The following ADGRA2 variants were observed in gnomAD, a reference collection of about 807,000 sequenced individuals.
ADGRA2 encodes adhesion G protein-coupled receptor A2.
In ADGRA2, 61 loss-of-function variants were observed where a neutral mutation model predicts 98.7. The observed-to-expected ratio is 0.62, with a 90% CI of 0.50 to 0.76. The LOEUF (loss-of-function observed/expected upper bound fraction) is 0.76. Ranked by LOEUF, ADGRA2 falls within the 30% of genes least tolerant of loss-of-function variation. The pLI is 0.00. For missense variants in ADGRA2, 1,712 were observed against 1,860.0 expected, an observed-to-expected ratio of 0.92 and a Z score of 1.46; for synonymous variants, 858 against 831.5, an observed-to-expected ratio of 1.03 and a Z score of -0.55.
Position 37,833,819 on chromosome 8 carries a change from T to C in ADGRA2, c.1428T>C (p.Tyr476=), listed in dbSNP as rs780582353. ...AGATGATCCAGAAATTTTTGGGTTA[T>C]GTCGACCAGATCAAAGAGGTGAGAC... ...VAQMIQKFLG[Y]VDQIKELVEV... The change falls in exon 10 of 19, where the codon TAT becomes TAC. Residue 476 remains tyrosine, a synonymous_variant. Coordinates refer to ENST00000412232, the MANE Select transcript of ADGRA2 (RefSeq NM_032777.10). The C allele has an allele frequency of 6.2e-7, 1 of 1,614,218 alleles. No individual in the cohort carries two copies. The highest frequency in any genetic ancestry group is 1.1e-5 in the South Asian group (1 of 91,086).
intron 13 of ADGRA2, among the ~76,000 whole-genome samples, chr8:37,837,291 C>T (rs955779631): frequency 3.9e-5 from 6 of 152,104 alleles, no homozygotes; most frequent in Admixed American, 6.6e-5. Context: ...TCTGTGGAGC[C>T]CAGGGCCTGC....
At position 37,814,087 on chromosome 8, in the gene ADGRA2, C is replaced by T. The variant is rs1804915109; in HGVS notation, c.267-809C>T. ...TTAAAGCTTTCTAATAAGCAATTAACTGGGGGATGAGCCCTTTGGCTGGCC... is the reference window on the plus strand; with the variant it reads ...TTAAAGCTTTCTAATAAGCAATTAATTGGGGGATGAGCCCTTTGGCTGGCC... On this transcript the variant is annotated intron_variant, in intron 1 of 18. Coordinates refer to ENST00000412232, the MANE Select transcript of ADGRA2 (RefSeq NM_032777.10). This position sits in a 1 kb window ranked among gnomAD's most constrained non-coding sequence, Gnocchi z 4.3. 6.6e-6 allele frequency among the ~76,000 whole-genome samples: 1 copy of T among 152,190 alleles called. No homozygotes were observed. The highest frequency in any genetic ancestry group is 2.4e-5 in the African/African-American group (1 of 41,450).
In ADGRA2 at chr8:37,829,893, C is replaced by T; in HGVS notation, c.597C>T (p.Arg199=). Reference sequence around the variant, plus strand: ...TCCTGACCTGTGACTGCCACCTGCGCTGGCTGCTGCCCTGGGCCCAGAATC... The same window carrying T: ...TCCTGACCTGTGACTGCCACCTGCGTTGGCTGCTGCCCTGGGCCCAGAATC... ...TEFLTCDCHL[R]WLLPWAQNRS... The change falls in exon 6 of 19, where the codon CGC becomes CGT. Residue 199 remains arginine (R), a synonymous_variant. Transcript: ENST00000412232. 2 of 1,613,084 alleles carry T rather than the reference C, an allele frequency of 1.2e-6. No individual in the cohort carries two copies. Among genetic ancestry groups the T allele is most frequent in the Non-Finnish European group, 1.7e-6 (2 of 1,179,948 alleles).
At chr8:37,837,352 T>TCCCG (rs1455143667) in intron 13 of ADGRA2, among the ~76,000 whole-genome samples, 3 of 150,706 alleles carry the variant, frequency 2.0e-5, no homozygotes, top group Non-Finnish European at 3.0e-5. Context: ...CCTCTCTCCA[T>TCCCG]CCCGCCCGCC....
At position 37,840,069 on chromosome 8, in the gene ADGRA2, A is replaced by T. The variant is rs942457565; in HGVS notation, c.2512-52A>T. On this transcript the variant is annotated intron_variant, in intron 16 of 18. Coordinates refer to ENST00000412232, the MANE Select transcript of ADGRA2 (RefSeq NM_032777.10). ...ACACCAGCAGGACTGAAGCTCTGGGAGGGTCCAGTCGTAGTCCCCAGGTCC... is the reference window on the plus strand; with the variant it reads ...ACACCAGCAGGACTGAAGCTCTGGGTGGGTCCAGTCGTAGTCCCCAGGTCC... The T allele has an allele frequency of 3.4e-6, 5 of 1,484,672 alleles. No homozygotes were observed. In the African/African-American group the frequency reaches 5.6e-5, roughly 17 times the overall value. 92.0% of individuals were successfully genotyped at this position (1,484,672 alleles called of 1,614,324 possible). A position where few individuals can be genotyped will look rare whatever the true frequency, so the allele number is the denominator to read the frequency against.
intron 2 of ADGRA2, among the ~76,000 whole-genome samples, chr8:37,816,218 A>G (rs1162243229): frequency 1.3e-5 from 2 of 152,166 alleles, no homozygotes; most frequent in Admixed American, 1.3e-4. Context: ...TGAGCCCAGG[A>G]GTTCAAGGCT....
chr8:37,838,045 A>G (rs1805671308), intron 14 of ADGRA2, 106 bp downstream of exon 14: 1 of 976,352 alleles, frequency 1.0e-6, no homozygotes, highest in Non-Finnish European at 1.5e-6. Flanking sequence ...AAATACAGAA[A>G]GGACTGCAGC....
Position 37,842,456 on chromosome 8 carries a change from A to T in ADGRA2, c.*101A>T. 2 of 1,373,738 alleles carry T rather than the reference A, an allele frequency of 1.5e-6. No homozygotes were observed. The highest frequency in any genetic ancestry group is 1.9e-6 in the Non-Finnish European group (2 of 1,063,156). 85.1% of individuals were successfully genotyped at this position (1,373,738 alleles called of 1,614,324 possible). A position where few individuals can be genotyped will look rare whatever the true frequency, so the allele number is the denominator to read the frequency against. On this transcript the variant is annotated 3_prime_UTR_variant, in exon 19 of 19. Transcript: ENST00000412232. ...TCCGTAGTCAGCAGGTTGGAGGCAGAGGAGCCGATGGCTGGAGGAAGCCCA... is the reference window on the plus strand; with the variant it reads ...TCCGTAGTCAGCAGGTTGGAGGCAGTGGAGCCGATGGCTGGAGGAAGCCCA...
chr8:37,840,380 A>G, intron 17 of ADGRA2, 114 bp downstream of exon 17: 1 of 1,137,858 alleles, frequency 8.8e-7, no homozygotes, highest in Non-Finnish European at 1.3e-6. Context: ...TCACTCTCCA[A>G]AGACGGGGGA....
intron 1 of ADGRA2, among the ~76,000 whole-genome samples, chr8:37,808,920 G>T (rs1466705145): frequency 6.6e-6 from 1 of 151,954 alleles, no homozygotes; most frequent in Non-Finnish European, 1.5e-5. Flanking sequence ...CACCTCCCAG[G>T]TTCAAGCGAT....
chr8:37,799,724 C>T (rs1339384168), intron 1 of ADGRA2, among the ~76,000 whole-genome samples: 3 of 152,148 alleles, frequency 2.0e-5, no homozygotes, highest in African/African-American at 7.2e-5. Flanking sequence ...AGCCATCAGG[C>T]TTAGGATAGG....
Position 37,797,200 on chromosome 8 carries a change from C to G in ADGRA2, c.-69C>G, listed in dbSNP as rs1804352748. 1 of 1,159,610 alleles carries G rather than the reference C, an allele frequency of 8.6e-7. No homozygotes were observed. Among genetic ancestry groups the G allele is most frequent in the South Asian group, 4.3e-5 (1 of 23,196 alleles). The allele number at this position is 1,159,610 out of a possible 1,614,324, so 71.8% of individuals were successfully genotyped here. A position where few individuals can be genotyped will look rare whatever the true frequency, so the allele number is the denominator to read the frequency against. On this transcript the variant is annotated 5_prime_UTR_variant, in exon 1 of 19. Coordinates refer to ENST00000412232, the MANE Select transcript of ADGRA2 (RefSeq NM_032777.10). This position sits in a 1 kb window ranked among gnomAD's most constrained non-coding sequence, Gnocchi z 5.3. ...GCCCCCGCTGAGCACTCCTCCCGCA[C>G]GCCTGGGTCCCTCCGGCCGGCGCGC...
rs914891204 is a variant in ADGRA2 at position 37,830,891 on chromosome 8, G to C, written c.900G>C (p.Glu300Asp). Residue 300 changes from glutamate to aspartate, a missense_variant, in exon 7 of 19, where the codon GAG becomes GAC. Coordinates refer to ENST00000412232, the MANE Select transcript of ADGRA2 (RefSeq NM_032777.10). The surrounding 1 kb of genome is among the most constrained non-coding windows in gnomAD (Gnocchi z 4.8). ...GDEQAGILLA[E>D]SLIHDCTFIT... ...AGCAGGCGGGCATCCTCCTGGCCGA[G>C]AGCCTCATCCACGACTGCACCTTCA... 10 of 1,587,434 alleles carry C rather than the reference G, an allele frequency of 6.3e-6. No homozygotes were observed. Among genetic ancestry groups the C allele is most frequent in the African/African-American group, 5.4e-5 (4 of 74,678 alleles).
intron 2 of ADGRA2, among the ~76,000 whole-genome samples, chr8:37,816,438 C>A (rs1473969763): frequency 6.6e-6 from 1 of 151,574 alleles, no homozygotes; most frequent in African/African-American, 2.4e-5. Flanking sequence ...ACTAAAAATA[C>A]AAAAATTAGC....
intron 1 of ADGRA2, among the ~76,000 whole-genome samples, chr8:37,811,474 C>CTTTTTT (rs34759771): frequency 4.9e-4 from 55 of 112,210 alleles, no homozygotes; most frequent in African/African-American, 1.8e-3. Context: ...ACCCAGCCAA[C>CTTTTTT]TTTTTTTTTT....
chr8:37,838,025 G>C, intron 14 of ADGRA2, 86 bp downstream of exon 14: 1 of 1,114,652 alleles, frequency 9.0e-7, no homozygotes, highest in Non-Finnish European at 1.2e-6. Flanking sequence ...GACCATTTGG[G>C]ACCATGGAGA....
intron 2 of ADGRA2, among the ~76,000 whole-genome samples, chr8:37,821,763 T>TTAATGAGA (rs1177213849): frequency 6.6e-6 from 1 of 152,204 alleles, no homozygotes; most frequent in Non-Finnish European, 1.5e-5. Context: ...TTGTCATTAC[T>TTAATGAGA]TAATGAGATT....
chr8:37,812,417 G>A (rs1804861694), intron 1 of ADGRA2, among the ~76,000 whole-genome samples: 1 of 152,122 alleles, frequency 6.6e-6, no homozygotes, highest in Non-Finnish European at 1.5e-5. Flanking sequence ...CACGAAGTCA[G>A]GAGATCGAGA....
rs569959429 is a variant in ADGRA2 at position 37,813,505 on chromosome 8, G to A, written c.267-1391G>A. Among the ~76,000 whole-genome samples, 73 of 152,098 alleles carry A rather than the reference G, an allele frequency of 4.8e-4. No homozygotes were observed. The South Asian group carries it at 0.011, about 23-fold the overall frequency. ...ACTTTTTGACATATCAACATTGTGC[G>A]TGTGTGTGTGTTTGTGTGTGTGTAA... On this transcript the variant is annotated intron_variant, in intron 1 of 18. Coordinates refer to ENST00000412232, the MANE Select transcript of ADGRA2 (RefSeq NM_032777.10).
Sources: allele counts gnomAD v4.1 joint callset (sites outside exome capture counted in the v4.1 genomes callset), GRCh38; gene constraint gnomAD v4.1.1; non-coding constraint Gnocchi (gnomAD v3.1); transcripts MANE v1.5; gene names NCBI Gene and HGNC (gene_info 2026-07-23, HGNC 2026-07-21).